TIAM1: variants seen among roughly 807,000 people sequenced by gnomAD.
TIAM1 encodes the protein TIAM Rac1 associated GEF 1.
A neutral mutation model predicts 163.5 loss-of-function variants in TIAM1; 65 were observed. The ratio of observed to expected loss-of-function variants is 0.40; its 90% CI spans 0.33 to 0.49. The LOEUF is 0.49. Among genes scored for constraint, TIAM1 ranks in the 20% least tolerant of loss-of-function variants. TIAM1 has a pLI of 0.77. For synonymous variants in TIAM1, 833 were observed against 810.1 expected, an observed-to-expected ratio of 1.03 and a Z score of -0.48; for missense variants, 1,789 against 2,044.7, an observed-to-expected ratio of 0.87 and a Z score of 2.41.
intron 25 of TIAM1, among the ~76,000 whole-genome samples, chr21:31,127,848 C>G (rs928802464): frequency 6.6e-6 from 1 of 152,142 alleles, no homozygotes; most frequent in East Asian, 1.9e-4. Flanking sequence ...GCCAGGGATA[C>G]GACAGGTAAG....
chr21:31,296,726 C>T (rs974910779), intron 2 of TIAM1, among the ~76,000 whole-genome samples: 5 of 151,596 alleles, frequency 3.3e-5, no homozygotes, highest in East Asian at 3.9e-4. Flanking sequence ...TGCAGTGGTG[C>T]GATCTCAGCT....
intron 19 of TIAM1, among the ~76,000 whole-genome samples, chr21:31,149,764 C>A (rs1024008748): frequency 6.6e-6 from 1 of 152,118 alleles, no homozygotes; most frequent in African/African-American, 2.4e-5. Context: ...AACTACCAGG[C>A]CACATTATGT....
intron 8 of TIAM1, among the ~76,000 whole-genome samples, chr21:31,221,689 G>A (rs1016650059): frequency 3.9e-5 from 6 of 152,222 alleles, no homozygotes; most frequent in Non-Finnish European, 5.9e-5. Flanking sequence ...AAGCCACTTC[G>A]ATGCTCCGGG....
chr21:31,549,848 G>A (rs1194575453), intron 1 of TIAM1, among the ~76,000 whole-genome samples: 1 of 152,216 alleles, frequency 6.6e-6, no homozygotes, highest in Non-Finnish European at 1.5e-5. Flanking sequence ...AAAAGGCCGG[G>A]CGTGGTGGCT....
chr21:31,279,749 G>A (rs530145256), intron 2 of TIAM1, among the ~76,000 whole-genome samples: 1 of 152,158 alleles, frequency 6.6e-6, no homozygotes, highest in East Asian at 1.9e-4. Flanking sequence ...TCTCAGGATC[G>A]GTTCTCAATA....
chr21:31,469,705 G>A (rs1434185853), intron 1 of TIAM1, among the ~76,000 whole-genome samples: 3 of 151,832 alleles, frequency 2.0e-5, no homozygotes, highest in Non-Finnish European at 4.4e-5. Flanking sequence ...GGTGGCGGGC[G>A]CCTGTAGTCC....
rs909642616 is a variant in TIAM1 at position 31,395,786 on chromosome 21, A to C, written c.-368-56364T>G. Among the ~76,000 whole-genome samples, 1 of 152,156 alleles carries C rather than the reference A, an allele frequency of 6.6e-6. No individual in the cohort carries two copies. On this transcript the variant is annotated intron_variant, in intron 2 of 28. Transcript: ENST00000286827. This position sits in a 1 kb window ranked among gnomAD's most constrained non-coding sequence, Gnocchi z 7.5. The stretch of plus-strand genomic sequence containing the variant: ...TATTAAAAGGACGTGAGATGCATGG[A>C]ATTAATGAACAACTATCTGTGAAAA...
chr21:31,339,369 C>G lies in TIAM1; in HGVS notation c.-315G>C, dbSNP rs1209203394. ...CATGGTACCAACCAGCCTCCTCTTC[C>G]TCCTCCTGGGCTTCAGGTCTAGAAA... On this transcript the variant is annotated 5_prime_UTR_variant, in exon 2 of 28. Coordinates refer to ENST00000541036, the MANE Select transcript of TIAM1 (RefSeq NM_001353694.2). 1.5e-5 allele frequency: 6 copies of G among 398,510 alleles called. No homozygotes were observed. Among genetic ancestry groups the G allele is most frequent in the Non-Finnish European group, 2.2e-5 (5 of 226,102 alleles). 24.7% of individuals were successfully genotyped at this position (398,510 alleles called of 1,614,324 possible).
Position 31,183,158 on chromosome 21 carries a change from C to G in TIAM1, c.2663-513G>C, listed in dbSNP as rs1601449488. ...AAGTAAGAATGTCTCATTCCAAATA[C>G]ACTTAGAGATGACAGTTTCAAGAAC... On this transcript the variant is annotated intron_variant, in intron 14 of 27. Coordinates refer to ENST00000541036, the MANE Select transcript of TIAM1 (RefSeq NM_001353694.2). Among the ~76,000 whole-genome samples the G allele has an allele frequency of 2.0e-5, 3 of 152,298 alleles. No individual in the cohort carries two copies. The East Asian group carries it at 5.8e-4, about 29-fold the overall frequency.
intron 15 of TIAM1, among the ~76,000 whole-genome samples, chr21:31,174,447 C>A (rs993014750): frequency 6.6e-6 from 1 of 152,172 alleles, no homozygotes; most frequent in Non-Finnish European, 1.5e-5. Flanking sequence ...TGGCATCAGA[C>A]AGACACGCCT....
chr21:31,170,332 A>G (rs1231852018), intron 15 of TIAM1, among the ~76,000 whole-genome samples: 1 of 152,234 alleles, frequency 6.6e-6, no homozygotes. Flanking sequence ...TTTCAAACCT[A>G]TTCCCAAGAA....
In TIAM1 at chr21:31,225,870, G is replaced by A; in HGVS notation, c.1665C>T (p.His555=). 6.2e-7 allele frequency: 1 copy of A among 1,614,158 alleles called. No individual in the cohort carries two copies. The highest frequency in any genetic ancestry group is 8.5e-7 in the Non-Finnish European group (1 of 1,180,036). Residue 555 remains histidine (H), a synonymous_variant, in exon 7 of 28, where the codon CAC becomes CAT. Transcript: ENST00000541036. ...ACATAVARHH[H]KEDTLRLLKS... ...TCAGGAGTCGGAGCGTGTCTTCCTTGTGGTGGTGCCTCGCGACCGCAGTGG... is the reference window on the plus strand; with the variant it reads ...TCAGGAGTCGGAGCGTGTCTTCCTTATGGTGGTGCCTCGCGACCGCAGTGG...
intron 13 of TIAM1, among the ~76,000 whole-genome samples, chr21:31,187,854 C>T (rs549444848): frequency 6.6e-6 from 1 of 152,238 alleles, no homozygotes; most frequent in African/African-American, 2.4e-5. Flanking sequence ...AAACTCTTTC[C>T]TAATCAATTA....
At chr21:31,193,805 C>A (rs1337386453) in intron 13 of TIAM1, among the ~76,000 whole-genome samples, 5 of 152,264 alleles carry the variant, frequency 3.3e-5, no homozygotes, top group Admixed American at 2.0e-4. Context: ...CAGTGTGAAT[C>A]GGGAAAAGCT....
chr21:31,156,388 C>A (rs2083623708), intron 16 of TIAM1, among the ~76,000 whole-genome samples: 1 of 152,206 alleles, frequency 6.6e-6, no homozygotes, highest in Non-Finnish European at 1.5e-5. Flanking sequence ...AGTAACCCCA[C>A]AAACAATTTT....
At chr21:31,168,803 A>T (rs750372298) in intron 15 of TIAM1, among the ~76,000 whole-genome samples, 13 of 152,172 alleles carry the variant, frequency 8.5e-5, no homozygotes, top group Non-Finnish European at 1.5e-4. Context: ...CTTAATGATG[A>T]TATCATATAA....
chr21:31,180,090 G>A (rs2084944315), intron 15 of TIAM1, among the ~76,000 whole-genome samples: 1 of 152,006 alleles, frequency 6.6e-6, no homozygotes, highest in Admixed American at 6.6e-5. Flanking sequence ...ATTTTTAACA[G>A]AGGTGGTGTT....
chr21:31,540,332 C>T (rs551768194), intron 1 of TIAM1, among the ~76,000 whole-genome samples: 1 of 151,334 alleles, frequency 6.6e-6, no homozygotes, highest in East Asian at 1.9e-4. Context: ...TTGCAGTGAG[C>T]CAAGATCACG....
intron 2 of TIAM1, among the ~76,000 whole-genome samples, chr21:31,330,699 A>C (rs940490583): frequency 1.3e-5 from 2 of 152,176 alleles, no homozygotes; most frequent in Non-Finnish European, 2.9e-5. Context: ...CAGCCTCCCA[A>C]GGTTCTCTGT....
Sources: gnomAD v4.1 joint callset for allele counts (sites outside exome capture counted in the v4.1 genomes callset) on GRCh38, gnomAD v4.1.1 for gene constraint, Gnocchi (gnomAD v3.1) non-coding constraint, MANE v1.5 for transcripts, NCBI Gene and HGNC (gene_info 2026-07-23, HGNC 2026-07-21) for gene names.